The following CACNA1D variants were observed in gnomAD, a reference collection of about 807,000 sequenced individuals.
The protein encoded by CACNA1D is voltage-dependent L-type calcium channel subunit alpha-1D.
A neutral mutation model predicts 257.1 loss-of-function variants in CACNA1D; 55 were observed. That is an observed-to-expected ratio of 0.21 (90% confidence interval 0.17 to 0.27). The LOEUF (loss-of-function observed/expected upper bound fraction) is 0.27. Among genes scored for constraint, CACNA1D ranks in the 10% least tolerant of loss-of-function variants. The probability of loss-of-function intolerance (pLI) is 1.00; values close to 1 mark genes in which losing one functional copy is unlikely to be tolerated. For synonymous variants in CACNA1D, 980 were observed against 1,014.9 expected (o/e 0.97, Z 0.65); for missense variants, 1,876 against 2,784.0 (o/e 0.67, Z 7.34).
chr3:53,717,368 C>G (rs1477193442), intron 9 of CACNA1D, among the ~76,000 whole-genome samples: 1 of 151,884 alleles, frequency 6.6e-6, no homozygotes, highest in Non-Finnish European at 1.5e-5. Context: ...TGTGTGCCCT[C>G]TTTTTGCCCC....
chr3:53,668,877 A>G (rs2108383465), intron 7 of CACNA1D, among the ~76,000 whole-genome samples: 1 of 152,240 alleles, frequency 6.6e-6, no homozygotes, highest in South Asian at 2.1e-4. Flanking sequence ...GTCATGAAAT[A>G]TTTTGCTTTT....
chr3:53,673,056 G>A lies in CACNA1D; in HGVS notation c.1150G>A (p.Val384Met). 6.4e-7 allele frequency: 1 copy of A among 1,552,066 alleles called. No individual in the cohort carries two copies. The change falls in exon 8 of 48, where the codon GTG becomes ATG. Residue 384 changes from valine to methionine, a missense_variant. Physicochemically the swap from Val to Met is conservative, Grantham distance 21 (BLOSUM62 1). Transcript: ENST00000350061. This position sits in a 1 kb window ranked among gnomAD's most constrained non-coding sequence, Gnocchi z 4.1. Reference sequence around the variant, plus strand: ...TGCTATGGGATTTGAATTGCCCTGGGTGTATTTTGTCAGTCTCGTCATCTT... The same window carrying A: ...TGCTATGGGATTTGAATTGCCCTGGATGTATTTTGTCAGTCTCGTCATCTT... ...NDAMGFELPW[V>M]YFVSLVIFGS...
chr3:53,521,142 C>T (rs1286631588), intron 3 of CACNA1D, among the ~76,000 whole-genome samples: 1 of 152,000 alleles, frequency 6.6e-6, no homozygotes, highest in East Asian at 1.9e-4. Flanking sequence ...TGGGCTCAAG[C>T]AATCCTCCTG....
chr3:53,633,564 G>T (rs1378820226), intron 3 of CACNA1D, among the ~76,000 whole-genome samples: 4 of 152,206 alleles, frequency 2.6e-5, no homozygotes, highest in African/African-American at 9.7e-5. Flanking sequence ...CATATTTACT[G>T]TGCTCTCCAG....
At chr3:53,689,575 T>C (rs2094502111) in intron 8 of CACNA1D, among the ~76,000 whole-genome samples, 1 of 152,098 alleles carries the variant, frequency 6.6e-6, no homozygotes, top group African/African-American at 2.4e-5. Flanking sequence ...CTCGTGCCTC[T>C]CAGATAAGAA....
intron 3 of CACNA1D, among the ~76,000 whole-genome samples, chr3:53,641,217 G>A (rs2093946544): frequency 6.6e-6 from 1 of 152,136 alleles, no homozygotes; most frequent in African/African-American, 2.4e-5. Flanking sequence ...TAGACAGATT[G>A]CAGAGGTCCT....
At chr3:53,542,491 G>A (rs1228280638) in intron 3 of CACNA1D, among the ~76,000 whole-genome samples, 1 of 152,016 alleles carries the variant, frequency 6.6e-6, no homozygotes, top group Non-Finnish European at 1.5e-5. Flanking sequence ...GAGGTGGGAT[G>A]ATCACTTGAG....
intron 3 of CACNA1D, among the ~76,000 whole-genome samples, chr3:53,610,078 C>T (rs567640130): frequency 6.6e-6 from 1 of 152,132 alleles, no homozygotes; most frequent in East Asian, 1.9e-4. Flanking sequence ...ACTTTTAATT[C>T]CATTATGATC....
At chr3:53,503,482 G>C (rs1455994851) in intron 3 of CACNA1D, among the ~76,000 whole-genome samples, 1 of 152,180 alleles carries the variant, frequency 6.6e-6, no homozygotes, top group African/African-American at 2.4e-5. Context: ...GTTACTTTTC[G>C]TAGCTCAAGA....
intron 3 of CACNA1D, among the ~76,000 whole-genome samples, chr3:53,622,189 C>T (rs6775765): frequency 0.41 from 61,777 of 151,864 alleles, 13,238 homozygotes; most frequent in African/African-American, 0.54. Flanking sequence ...TAGCTGGGAT[C>T]ACAGGCGTAA....
At chr3:53,574,150 C>T (rs576926024) in intron 3 of CACNA1D, among the ~76,000 whole-genome samples, 7 of 152,338 alleles carry the variant, frequency 4.6e-5, no homozygotes, top group Non-Finnish European at 1.0e-4. Flanking sequence ...CCACACGTTT[C>T]AGGTTGCCTC....
At chr3:53,740,620 A>C in intron 21 of CACNA1D, 2 of 405,338 alleles carry the variant, frequency 4.9e-6, no homozygotes, top group Non-Finnish European at 8.9e-6. Context: ...TGTTTTTTAA[A>C]CCGAAGGATT....
chr3:53,711,526 G>A (rs933175833), intron 9 of CACNA1D, among the ~76,000 whole-genome samples: 34 of 152,184 alleles, frequency 2.2e-4, no homozygotes, highest in African/African-American at 7.5e-4. Flanking sequence ...CAGCACAGTC[G>A]ACCCAGTTCT....
Position 53,722,323 on chromosome 3 carries a change from G to A in CACNA1D, c.1515G>A (p.Trp505Ter). 6.2e-7 allele frequency: 1 copy of A among 1,614,176 alleles called. No individual in the cohort carries two copies. Among genetic ancestry groups the A allele is most frequent in the Non-Finnish European group, 8.5e-7 (1 of 1,180,032 alleles). Residue 505 changes from tryptophan to a stop codon, truncating the protein, a stop_gained, in exon 12 of 48, where the codon TGG becomes TGA. Coordinates refer to ENST00000350061, the MANE Select transcript of CACNA1D (RefSeq NM_001128840.3). LOFTEE classifies it high-confidence loss of function. ...AISKSKLSRR[W>*]RRWNRFNRRR... ...TTTGCTTGTCTTTTAGCCGACGCTGGCGTCGCTGGAACCGATTCAATCGCA... is the reference window on the plus strand; with the variant it reads ...TTTGCTTGTCTTTTAGCCGACGCTGACGTCGCTGGAACCGATTCAATCGCA...
chr3:53,516,267 C>A (rs1014628393), intron 3 of CACNA1D, among the ~76,000 whole-genome samples: 1 of 152,212 alleles, frequency 6.6e-6, no homozygotes, highest in Non-Finnish European at 1.5e-5. Context: ...TTTTCCTATA[C>A]CCCCCTTGAA....
intron 20 of CACNA1D, among the ~76,000 whole-genome samples, chr3:53,736,071 T>C (rs1169532657): frequency 6.6e-6 from 1 of 152,142 alleles, no homozygotes; most frequent in Non-Finnish European, 1.5e-5. Context: ...CCAGGTGCAC[T>C]GGCTCACACC....
At position 53,781,677 on chromosome 3, in the gene CACNA1D, G is replaced by A. The variant is rs750082546; in HGVS notation, c.4792+10G>A. On this transcript the variant is annotated intron_variant, in intron 39 of 47. Coordinates refer to ENST00000350061, the MANE Select transcript of CACNA1D (RefSeq NM_001128840.3). ...GTCCCTCCAGCTGGTGGTCAGTGCAGTCTATTTCCTAAGTAGTCCTTGGCC... is the reference window on the plus strand; with the variant it reads ...GTCCCTCCAGCTGGTGGTCAGTGCAATCTATTTCCTAAGTAGTCCTTGGCC... 1.9e-6 allele frequency: 3 copies of A among 1,570,680 alleles called. No homozygotes were observed. The highest frequency in any genetic ancestry group is 2.2e-5 in the East Asian group (1 of 44,692).
At chr3:53,674,073 G>A in intron 8 of CACNA1D, 1 of 569,598 alleles carries the variant, frequency 1.8e-6, no homozygotes, top group Non-Finnish European at 3.2e-6. Flanking sequence ...ATGTGAACGT[G>A]TAGAGGTGGA....
At chr3:53,652,105 C>T (rs540114326) in intron 4 of CACNA1D, among the ~76,000 whole-genome samples, 56 of 152,220 alleles carry the variant, frequency 3.7e-4, no homozygotes, top group Non-Finnish European at 6.8e-4. Context: ...AGATATGTGC[C>T]GTACTTTCCT....
Sources: gnomAD v4.1 joint callset for allele counts (sites outside exome capture counted in the v4.1 genomes callset) on GRCh38, gnomAD v4.1.1 for gene constraint, Gnocchi (gnomAD v3.1) non-coding constraint, MANE v1.5 for transcripts, NCBI Gene and HGNC (gene_info 2026-07-23, HGNC 2026-07-21) for gene names.